The following SLC24A2 variants were observed in gnomAD, a reference collection of about 807,000 sequenced individuals.
The protein encoded by SLC24A2 is solute carrier family 24 member 2.
Under a neutral mutation model 62.0 loss-of-function variants are expected in SLC24A2, and 36 were observed. The observed-to-expected ratio is 0.58, with a 90% confidence interval of 0.44 to 0.77. The LOEUF is 0.77. SLC24A2 is among the 30% of genes least tolerant of loss of function. The probability of loss-of-function intolerance (pLI) is 0.00; values close to 1 mark genes in which losing one functional copy is unlikely to be tolerated. For synonymous variants in SLC24A2, 358 were observed against 294.0 expected (o/e 1.22, Z -2.23); for missense variants, 846 against 817.9 (o/e 1.03, Z -0.42).
chr9:19,525,763 CTGTT>C (rs1410537602), intron 9 of SLC24A2, among the ~76,000 whole-genome samples: 3 of 113,258 alleles, frequency 2.6e-5, no homozygotes, highest in African/African-American at 1.1e-4. Context: ...ACACATGCTA[CTGTT>C]TTTTTTTTTT....
chr9:19,690,986 T>C (rs1360640167), intron 2 of SLC24A2, among the ~76,000 whole-genome samples: 1 of 152,040 alleles, frequency 6.6e-6, no homozygotes, highest in African/African-American at 2.4e-5. Context: ...AAAAAGACAG[T>C]GTCACATTCA....
chr9:19,615,169 A>G (rs919584038), intron 4 of SLC24A2, among the ~76,000 whole-genome samples: 4 of 152,310 alleles, frequency 2.6e-5, no homozygotes, highest in Admixed American at 6.5e-5. Context: ...CACAGATGAG[A>G]CAAAGGGGAA....
chr9:20,259,330 T>G, the SLC24A2 span, among the ~76,000 whole-genome samples: 9 of 152,172 alleles, frequency 5.9e-5, no homozygotes, highest in Admixed American at 2.0e-4. Flanking sequence ...AATAGAAAAT[T>G]AATGCACACA....
At chr9:20,137,794 A>G in the SLC24A2 span, among the ~76,000 whole-genome samples, 1 of 152,226 alleles carries the variant, frequency 6.6e-6, no homozygotes, top group African/African-American at 2.4e-5. Context: ...TCACATGTTG[A>G]ATGAAAAACA....
At chr9:20,277,989 G>A in the SLC24A2 span, among the ~76,000 whole-genome samples, 1 of 151,852 alleles carries the variant, frequency 6.6e-6, no homozygotes, top group Admixed American at 6.6e-5. Flanking sequence ...CACAAAGACA[G>A]AAAACCAAAC....
At chr9:19,561,937 A>C (rs952549897) in intron 7 of SLC24A2, among the ~76,000 whole-genome samples, 1 of 152,172 alleles carries the variant, frequency 6.6e-6, no homozygotes, top group Non-Finnish European at 1.5e-5. Context: ...TCTGAACTGA[A>C]ATCAAGGTTT....
At chr9:19,729,756 G>A (rs185543413) in intron 2 of SLC24A2, among the ~76,000 whole-genome samples, 3 of 152,104 alleles carry the variant, frequency 2.0e-5, no homozygotes, top group African/African-American at 7.2e-5. Context: ...TTTATTAAAG[G>A]ATATAAAATT....
chr9:19,955,226 T>C, the SLC24A2 span, among the ~76,000 whole-genome samples: 1 of 152,086 alleles, frequency 6.6e-6, no homozygotes, highest in African/African-American at 2.4e-5. Flanking sequence ...AATGGGGTCT[T>C]AGATTTAAAG....
At chr9:20,074,605 A>AAGGAAGGAAGGAAG in the SLC24A2 span, among the ~76,000 whole-genome samples, 555 of 52,958 alleles carry the variant, frequency 0.01, 26 homozygotes, top group Non-Finnish European at 0.014. Flanking sequence ...AAGGAAGGAA[A>AAGGAAGGAAGGAAG]GAAGGGAGTG....
chr9:20,220,527 G>A, the SLC24A2 span, among the ~76,000 whole-genome samples: 2 of 152,236 alleles, frequency 1.3e-5, no homozygotes, highest in African/African-American at 2.4e-5. Context: ...GATGATCCAT[G>A]TATTTGTCAG....
At chr9:19,824,815 A>G in the SLC24A2 span, among the ~76,000 whole-genome samples, 1 of 152,240 alleles carries the variant, frequency 6.6e-6, no homozygotes, top group East Asian at 1.9e-4. Flanking sequence ...TGTGGCACAT[A>G]TACACCATAG....
the SLC24A2 span, among the ~76,000 whole-genome samples, chr9:19,907,175 C>T: frequency 3.1e-4 from 47 of 152,178 alleles, no homozygotes; most frequent in African/African-American, 8.2e-4. Context: ...GTTCAACATA[C>T]GAAAATCAAT....
At chr9:20,069,440 C>T in the SLC24A2 span, among the ~76,000 whole-genome samples, 3 of 152,216 alleles carry the variant, frequency 2.0e-5, no homozygotes, top group African/African-American at 7.2e-5. Flanking sequence ...TATAAACATG[C>T]AAACAGAAAG....
At chr9:20,096,423 C>T in the SLC24A2 span, among the ~76,000 whole-genome samples, 1 of 152,074 alleles carries the variant, frequency 6.6e-6, no homozygotes, top group African/African-American at 2.4e-5. Context: ...CTCTCCTTTC[C>T]CTGTTCTCCA....
intron 2 of SLC24A2, among the ~76,000 whole-genome samples, chr9:19,716,178 C>T (rs939959303): frequency 6.6e-6 from 1 of 152,180 alleles, no homozygotes; most frequent in Non-Finnish European, 1.5e-5. Context: ...TTCTATTTCT[C>T]CCTTTTGCCT....
chr9:20,168,027 T>C, the SLC24A2 span, among the ~76,000 whole-genome samples: 42 of 152,008 alleles, frequency 2.8e-4, no homozygotes, highest in African/African-American at 9.7e-4. Flanking sequence ...TTCAAACCAC[T>C]GAAGTCCCAT....
chr9:20,046,024 G>GCT, the SLC24A2 span, among the ~76,000 whole-genome samples: 1 of 152,158 alleles, frequency 6.6e-6, no homozygotes, highest in Non-Finnish European at 1.5e-5. Context: ...GGCTGGCCAG[G>GCT]CTCCTAGCTG....
the SLC24A2 span, among the ~76,000 whole-genome samples, chr9:19,846,502 T>C: frequency 6.6e-6 from 1 of 152,218 alleles, no homozygotes; most frequent in African/African-American, 2.4e-5. Context: ...GAGGTGGGTC[T>C]CTTGAAGACA....
At chr9:20,079,326 T>A in the SLC24A2 span, among the ~76,000 whole-genome samples, 1 of 152,202 alleles carries the variant, frequency 6.6e-6, no homozygotes, top group South Asian at 2.1e-4. Flanking sequence ...GAAAAAATAC[T>A]CTTGTTAAAG....
Sources: allele counts gnomAD v4.1 joint callset (sites outside exome capture counted in the v4.1 genomes callset), GRCh38; gene constraint gnomAD v4.1.1; transcripts MANE v1.5; gene names NCBI Gene and HGNC (gene_info 2026-07-23, HGNC 2026-07-21).